Variants in SPOCK3 observed in about 807,000 individuals in gnomAD.
The protein encoded by SPOCK3 is SPARC (osteonectin), cwcv and kazal like domains proteoglycan 3, also known as testican-3.
Under a neutral mutation model 56.6 loss-of-function variants are expected in SPOCK3, and 30 were observed. The ratio of observed to expected loss-of-function variants is 0.53; its 90% CI spans 0.40 to 0.72. The LOEUF (loss-of-function observed/expected upper bound fraction) is 0.72, where lower values mean the gene tolerates loss of function less well. SPOCK3 is among the 30% of genes least tolerant of loss of function. The pLI is 0.00. For synonymous variants in SPOCK3, 196 were observed against 183.3 expected (o/e 1.07, Z -0.56); for missense variants, 527 against 530.0 (o/e 0.99, Z 0.06).
At chr4:167,004,449 A>G (rs1256166967) in intron 3 of SPOCK3, among the ~76,000 whole-genome samples, 1 of 152,170 alleles carries the variant, frequency 6.6e-6, no homozygotes, top group Non-Finnish European at 1.5e-5. Context: ...GAACAGGGAG[A>G]TGGAAGCTTC....
intron 3 of SPOCK3, among the ~76,000 whole-genome samples, chr4:167,006,691 AC>A (rs1201230773): frequency 2.6e-5 from 4 of 152,152 alleles, no homozygotes; most frequent in Non-Finnish European, 5.9e-5. Flanking sequence ...CAAAATACAG[AC>A]TTTTTGGGGA....
chr4:166,948,510 T>C (rs886304146), intron 4 of SPOCK3, among the ~76,000 whole-genome samples: 1 of 152,132 alleles, frequency 6.6e-6, no homozygotes, highest in Non-Finnish European at 1.5e-5. Context: ...TTTCTTCACT[T>C]CCTCACCAAC....
At chr4:167,066,011 A>C (rs938898581) in intron 2 of SPOCK3, among the ~76,000 whole-genome samples, 2 of 151,908 alleles carry the variant, frequency 1.3e-5, no homozygotes, top group Non-Finnish European at 2.9e-5. Flanking sequence ...CACCATTAGA[A>C]TTTAATATTA....
chr4:166,744,375 A>T (rs567936181), intron 8 of SPOCK3, among the ~76,000 whole-genome samples: 2 of 152,298 alleles, frequency 1.3e-5, no homozygotes, highest in East Asian at 3.9e-4. Flanking sequence ...AACTCCAACA[A>T]ACCTGCCTCT....
chr4:166,850,027 G>A (rs1333085745), intron 6 of SPOCK3, among the ~76,000 whole-genome samples: 1 of 118,614 alleles, frequency 8.4e-6, no homozygotes, highest in African/African-American at 3.2e-5. Flanking sequence ...ATAATGGAAA[G>A]AATGCTACTA....
rs574029559 is a variant in SPOCK3 at position 167,065,975 on chromosome 4, C to A, written c.190-3438G>T. 2.6e-5 allele frequency among the ~76,000 whole-genome samples: 4 copies of A among 151,916 alleles called. No homozygotes were observed. In the South Asian group the frequency reaches 8.3e-4, roughly 32 times the overall value. ...AAGTTGGATTATTGTCACATATGTT[C>A]AAAAACTTATGGAGTGAGTTACAGA... On this transcript the variant is annotated intron_variant, in intron 2 of 10. Coordinates refer to ENST00000357545, the MANE Select transcript of SPOCK3 (RefSeq NM_001040159.2).
intron 3 of SPOCK3, among the ~76,000 whole-genome samples, chr4:167,047,315 G>A (rs7654573): frequency 1.3e-5 from 2 of 152,252 alleles, no homozygotes; most frequent in African/African-American, 4.8e-5. Context: ...TAAGTAGAAA[G>A]TTAAAGATTT....
At chr4:166,953,212 T>A (rs931159624) in intron 4 of SPOCK3, among the ~76,000 whole-genome samples, 2 of 151,290 alleles carry the variant, frequency 1.3e-5, no homozygotes, top group African/African-American at 4.8e-5. Flanking sequence ...ATCCAGAATC[T>A]ACAATGAACT....
chr4:166,868,300 A>G (rs1253585080), intron 6 of SPOCK3, among the ~76,000 whole-genome samples: 1 of 106,404 alleles, frequency 9.4e-6, no homozygotes, highest in African/African-American at 3.1e-5. Flanking sequence ...AAGAAAAGAA[A>G]AGAAAAAAAA....
At chr4:166,862,938 C>G (rs962951359) in intron 6 of SPOCK3, among the ~76,000 whole-genome samples, 2 of 152,040 alleles carry the variant, frequency 1.3e-5, no homozygotes, top group South Asian at 4.2e-4. Context: ...TCAAGAAGAA[C>G]AACCTGTAGA....
intron 6 of SPOCK3, among the ~76,000 whole-genome samples, chr4:166,818,102 T>C (rs751509614): frequency 8.5e-5 from 13 of 152,106 alleles, no homozygotes; most frequent in Non-Finnish European, 1.8e-4. Context: ...AAATAGCTAA[T>C]GCTCTCACAG....
At chr4:167,091,926 T>TA (rs1375459462) in intron 2 of SPOCK3, among the ~76,000 whole-genome samples, 2 of 152,138 alleles carry the variant, frequency 1.3e-5, no homozygotes, top group African/African-American at 4.8e-5. Context: ...ATATTATGAA[T>TA]AAAAAATATC....
chr4:167,179,581 G>C (rs1469153755), intron 2 of SPOCK3, among the ~76,000 whole-genome samples: 2 of 151,852 alleles, frequency 1.3e-5, no homozygotes, highest in Non-Finnish European at 2.9e-5. Context: ...TTATGTATGG[G>C]TTTCTTACAA....
chr4:167,174,846 T>G (rs187349732), intron 2 of SPOCK3, among the ~76,000 whole-genome samples: 1 of 152,136 alleles, frequency 6.6e-6, no homozygotes, highest in South Asian at 2.1e-4. Context: ...CACACAGGCA[T>G]GCACACAAAC....
intron 2 of SPOCK3, among the ~76,000 whole-genome samples, chr4:167,221,056 T>C (rs1171513336): frequency 6.6e-6 from 1 of 151,940 alleles, no homozygotes; most frequent in African/African-American, 2.4e-5. Context: ...GGACCAACTT[T>C]ATGTCAAAAG....
intron 2 of SPOCK3, among the ~76,000 whole-genome samples, chr4:167,184,999 A>T (rs893870830): frequency 6.6e-6 from 1 of 152,204 alleles, no homozygotes; most frequent in Non-Finnish European, 1.5e-5. Flanking sequence ...TATTTCAAAC[A>T]AACAAGTTGG....
chr4:166,818,687 CTAAGACTTG>C (rs1744619664), intron 6 of SPOCK3, among the ~76,000 whole-genome samples: 1 of 152,002 alleles, frequency 6.6e-6, no homozygotes, highest in East Asian at 1.9e-4. Flanking sequence ...AAAATTGCAC[CTAAGACTTG>C]TACTTCTTTC....
chr4:166,790,374 C>A (rs182686195), intron 7 of SPOCK3, among the ~76,000 whole-genome samples: 1 of 152,204 alleles, frequency 6.6e-6, no homozygotes, highest in Non-Finnish European at 1.5e-5. Flanking sequence ...AAGAATTCAC[C>A]CATAGGGTGC....
chr4:166,944,265 TATCCG>T (rs1048564303), intron 4 of SPOCK3, among the ~76,000 whole-genome samples: 5 of 152,114 alleles, frequency 3.3e-5, no homozygotes, highest in African/African-American at 1.2e-4. Flanking sequence ...GATATATGAG[TATCCG>T]TTGCTGACAT....
Sources: gnomAD v4.1 joint callset for allele counts (sites outside exome capture counted in the v4.1 genomes callset) on GRCh38, gnomAD v4.1.1 for gene constraint, MANE v1.5 for transcripts, NCBI Gene and HGNC (gene_info 2026-07-23, HGNC 2026-07-21) for gene names.